The following EYA4 variants were observed in gnomAD, a reference collection of about 807,000 sequenced individuals.
EYA4 encodes protein phosphatase EYA4.
Under a neutral mutation model 87.9 loss-of-function variants are expected in EYA4, and 31 were observed. The observed-to-expected ratio is 0.35, with a 90% confidence interval of 0.27 to 0.48. The LOEUF (loss-of-function observed/expected upper bound fraction) is 0.48. Ranked by LOEUF, EYA4 falls within the 20% of genes least tolerant of loss-of-function variation. The pLI, the probability that EYA4 is intolerant of heterozygous loss-of-function variation, is 0.99. For missense variants in EYA4, 678 were observed against 761.4 expected (o/e 0.89, Z 1.29); for synonymous variants, 263 against 270.6 (o/e 0.97, Z 0.28).
At chr6:133,275,828 T>G (rs985225774) in intron 2 of EYA4, among the ~76,000 whole-genome samples, 1 of 152,122 alleles carries the variant, frequency 6.6e-6, no homozygotes, top group Admixed American at 6.5e-5. Context: ...TCAATATATA[T>G]TATATTATGA....
chr6:133,294,272 C>T (rs936103822), intron 2 of EYA4, among the ~76,000 whole-genome samples: 3 of 150,120 alleles, frequency 2.0e-5, no homozygotes, highest in Non-Finnish European at 4.4e-5. Flanking sequence ...CTACATAGGA[C>T]ACAATGTATA....
intron 6 of EYA4, among the ~76,000 whole-genome samples, chr6:133,460,632 A>G (rs1207736950): frequency 2.6e-5 from 4 of 152,118 alleles, no homozygotes; most frequent in African/African-American, 7.2e-5. Flanking sequence ...AATAGAATAA[A>G]ATAGTATTTT....
chr6:133,367,731 T>TG (rs1784960040), intron 2 of EYA4, among the ~76,000 whole-genome samples: 1 of 152,168 alleles, frequency 6.6e-6, no homozygotes, highest in South Asian at 2.1e-4. Flanking sequence ...GTACTGGTTT[T>TG]TAAGAATATC....
At chr6:133,266,881 CA>C (rs1237161301) in intron 1 of EYA4, among the ~76,000 whole-genome samples, 1 of 152,060 alleles carries the variant, frequency 6.6e-6, no homozygotes, top group African/African-American at 2.4e-5. Context: ...TTTACATTAT[CA>C]GATACATTAT....
intron 2 of EYA4, among the ~76,000 whole-genome samples, chr6:133,290,568 G>C (rs1405739285): frequency 6.6e-6 from 1 of 152,064 alleles, no homozygotes. Context: ...TCTACACCAG[G>C]GTTTTTAGGG....
At chr6:133,452,012 A>G (rs1488928276) in intron 5 of EYA4, among the ~76,000 whole-genome samples, 1 of 152,144 alleles carries the variant, frequency 6.6e-6, no homozygotes, top group Non-Finnish European at 1.5e-5. Context: ...ACAAAATTAA[A>G]TACTTTATGG....
chr6:133,394,292 T>TTTG lies in EYA4; in HGVS notation c.83+11853_83+11854insGTT, dbSNP rs1246618251. On this transcript the variant is annotated intron_variant, in intron 3 of 19. Coordinates refer to ENST00000355286, the MANE Select transcript of EYA4 (RefSeq NM_004100.5). Reference sequence around the variant, plus strand: ...TGTATATATAAGCTTGTGTTTTTTTTTTTTTTTTTTTTTTTTTTTTTTTTT... The same window carrying TTTG: ...TGTATATATAAGCTTGTGTTTTTTTTTTGTTTTTTTTTTTTTTTTTTTTTTTTT... Among the ~76,000 whole-genome samples, 213 of 28,084 alleles carry TTTG rather than the reference T, an allele frequency of 7.6e-3. 13 individuals carry two copies. Among genetic ancestry groups the TTTG allele is most frequent in the African/African-American group, 0.011 (203 of 19,050 alleles). 18.4% of individuals were successfully genotyped at this position (28,084 alleles called of 152,430 possible).
At chr6:133,513,152 T>A in intron 16 of EYA4, 114 bp downstream of exon 16, 3 of 1,096,054 alleles carry the variant, frequency 2.7e-6, no homozygotes, top group Non-Finnish European at 1.4e-6. Flanking sequence ...AAGCTCATAT[T>A]AAACCACATT....
intron 2 of EYA4, among the ~76,000 whole-genome samples, chr6:133,292,432 T>C (rs1778560958): frequency 6.6e-6 from 1 of 152,214 alleles, no homozygotes; most frequent in Admixed American, 6.5e-5. Flanking sequence ...TTTTAATTCT[T>C]GAGCCCTTAA....
chr6:133,259,339 G>A (rs1441577811), intron 1 of EYA4, among the ~76,000 whole-genome samples: 1 of 152,182 alleles, frequency 6.6e-6, no homozygotes, highest in South Asian at 2.1e-4. Context: ...ACATAGCAGG[G>A]AAGCATAACG....
intron 3 of EYA4, among the ~76,000 whole-genome samples, chr6:133,398,449 T>A (rs1440729623): frequency 1.3e-5 from 2 of 152,240 alleles, no homozygotes; most frequent in African/African-American, 4.8e-5. Flanking sequence ...GCTAACTGAA[T>A]GACTATAAGG....
At chr6:133,240,673 C>CTTCG (rs761019945), upstream of EYA4, 1 of 152,300 alleles carries the variant, frequency 6.6e-6, no homozygotes, top group Non-Finnish European at 1.5e-5. Context: ...GGCCCAGGCC[C>CTTCG]TTCGCAGCAC....
intron 2 of EYA4, among the ~76,000 whole-genome samples, chr6:133,322,041 G>A (rs1781133252): frequency 6.6e-6 from 1 of 152,164 alleles, no homozygotes; most frequent in South Asian, 2.1e-4. Flanking sequence ...GTTTATCATT[G>A]CTATGGATTT....
chr6:133,421,111 A>G (rs567233527), intron 3 of EYA4, among the ~76,000 whole-genome samples: 1 of 152,286 alleles, frequency 6.6e-6, no homozygotes, highest in Non-Finnish European at 1.5e-5. Context: ...TCAAGTGAAG[A>G]CAAGGCTAGT....
At chr6:133,249,791 T>TTGA (rs1411252649) in intron 1 of EYA4, among the ~76,000 whole-genome samples, 1 of 152,192 alleles carries the variant, frequency 6.6e-6, no homozygotes, top group African/African-American at 2.4e-5. Context: ...AGAGTCTGAG[T>TTGA]TGAACGTTTC....
intron 2 of EYA4, among the ~76,000 whole-genome samples, chr6:133,381,075 CTTT>C (rs5880181): frequency 4.5e-4 from 44 of 96,838 alleles, no homozygotes; most frequent in Middle Eastern, 8.2e-3. Flanking sequence ...TTTTTTTTTT[CTTT>C]TTTTTTTTTT....
chr6:133,340,047 T>C (rs1333788120), intron 2 of EYA4, among the ~76,000 whole-genome samples: 1 of 152,122 alleles, frequency 6.6e-6, no homozygotes, highest in African/African-American at 2.4e-5. Context: ...TTAGTACTAA[T>C]ATAAGTGGTG....
chr6:133,458,987 T>C (rs1794148099), intron 6 of EYA4, among the ~76,000 whole-genome samples: 1 of 152,150 alleles, frequency 6.6e-6, no homozygotes, highest in African/African-American at 2.4e-5. Flanking sequence ...CGAAATTCTT[T>C]CAAGTTTGTA....
At chr6:133,429,368 T>G (rs369562060) in intron 3 of EYA4, among the ~76,000 whole-genome samples, 19 of 152,082 alleles carry the variant, frequency 1.2e-4, no homozygotes, top group African/African-American at 4.1e-4. Flanking sequence ...TTAGTAAGCT[T>G]AGGAGGGAGA....
Sources: allele counts gnomAD v4.1 joint callset (sites outside exome capture counted in the v4.1 genomes callset), GRCh38; gene constraint gnomAD v4.1.1; transcripts MANE v1.5; gene names NCBI Gene and HGNC (gene_info 2026-07-23, HGNC 2026-07-21).